The following HUWE1 variants were observed in gnomAD, a reference collection of about 807,000 sequenced individuals.
The protein encoded by HUWE1 is HECT, UBA and WWE domain containing E3 ubiquitin protein ligase 1.
A neutral mutation model predicts 299.4 loss-of-function variants in HUWE1; 18 were observed. The ratio of observed to expected loss-of-function variants is 0.06; its 90% confidence interval spans 0.04 to 0.09. The LOEUF is 0.09. Among genes scored for constraint, HUWE1 ranks in the 10% least tolerant of loss-of-function variants. HUWE1 has a pLI of 1.00. For synonymous variants in HUWE1, 1,317 were observed against 1,286.1 expected, an observed-to-expected ratio of 1.02 and a Z score of -0.51; for missense variants, 1,832 against 3,462.3, an observed-to-expected ratio of 0.53 and a Z score of 11.82.
chrX:53,558,702 T>C lies in HUWE1; in HGVS notation c.8113A>G (p.Thr2705Ala). ...KQLAEEETKI[T>A]DKGKEDKENR... ...TCCTTATCTTCTTTGCCTTTATCAG[T>C]TATCTTTGTTTCTTCCTCAGCCAGT... is the stretch of plus-strand genomic sequence containing the variant. Residue 2705 changes from threonine (T) to alanine (A), a missense_variant, in exon 59 of 84, where the codon ACT becomes GCT. Physicochemically the swap from Thr to Ala is moderately conservative, Grantham distance 58. Transcript: ENST00000262854. 1.7e-6 allele frequency: 2 copies of C among 1,210,254 alleles called. No individual in the cohort carries two copies. Among genetic ancestry groups the C allele is most frequent in the Non-Finnish European group, 2.2e-6 (2 of 894,146 alleles).
intron 33 of HUWE1, among the ~76,000 whole-genome samples, chrX:53,591,785 A>C (rs1477044744): frequency 5.4e-5 from 6 of 112,114 alleles, no homozygotes; most frequent in African/African-American, 9.7e-5. Flanking sequence ...GTATTTTCCA[A>C]ATTTGGTAAT....
In HUWE1 at chrX:53,589,597, G is replaced by A. The variant is rs1478379104; in HGVS notation, c.4411C>T (p.Arg1471Cys). 2.5e-6 allele frequency: 3 copies of A among 1,208,782 alleles called. No homozygotes were observed. Among genetic ancestry groups the A allele is most frequent in the Non-Finnish European group, 3.4e-6 (3 of 894,425 alleles). Residue 1471 changes from arginine (R) to cysteine (C), a missense_variant, in exon 36 of 84, where the codon CGT becomes TGT. This residue lies in a region of HUWE1 where 658 missense variants were observed against 1,282.6 expected (regional missense o/e 0.51). Coordinates refer to ENST00000262854, the MANE Select transcript of HUWE1 (RefSeq NM_031407.7). Reference sequence around the variant, plus strand: ...ATGTCACGATAATCTGCTCCATTACGTTTGATTGCTGTCATGATCAGGTCA... The same window carrying A: ...ATGTCACGATAATCTGCTCCATTACATTTGATTGCTGTCATGATCAGGTCA... Reference protein sequence around the residue: ...VCDLIMTAIKRNGADYRDMIL... With the variant: ...VCDLIMTAIKCNGADYRDMIL...
In HUWE1 at chrX:53,548,174, A is replaced by G; in HGVS notation, c.10135T>C (p.Ser3379Pro). 3.3e-6 allele frequency: 4 copies of G among 1,208,931 alleles called. No individual in the cohort carries two copies. Among genetic ancestry groups the G allele is most frequent in the Non-Finnish European group, 4.5e-6 (4 of 893,865 alleles). Residue 3379 changes from serine (S) to proline (P), a missense_variant, in exon 68 of 84, where the codon TCC becomes CCC. By Grantham distance (74) the Ser-to-Pro change is moderately conservative. Transcript: ENST00000262854. Reference sequence around the variant, plus strand: ...TCTGTGCAAATGCCACTGCTGGAGGACTGTGAGGAGCATGGGCTACAGGCC... The same window carrying G: ...TCTGTGCAAATGCCACTGCTGGAGGGCTGTGAGGAGCATGGGCTACAGGCC... The part of the protein sequence containing the change: ...NKACSPCSSQ[S>P]SSSGICTDFW...
chrX:53,651,389 CT>C (rs2149325294), intron 4 of HUWE1, among the ~76,000 whole-genome samples: 1 of 111,066 alleles, frequency 9.0e-6, no homozygotes, highest in East Asian at 2.8e-4. Context: ...AGAGTAGTCC[CT>C]CTGTATCCAC....
chrX:53,592,290 G>T, intron 33 of HUWE1, 108 bp downstream of exon 33: 1 of 593,772 alleles, frequency 1.7e-6, no homozygotes, highest in East Asian at 3.2e-5. Flanking sequence ...ACTGTCTCCT[G>T]GTTAATGTGA....
chrX:53,662,275 T>C (rs2069041816), intron 3 of HUWE1, among the ~76,000 whole-genome samples: 1 of 111,944 alleles, frequency 8.9e-6, no homozygotes, highest in Non-Finnish European at 1.9e-5. Context: ...ATCCCTGCTA[T>C]ATCACTTACT....
At chrX:53,683,984 A>C (rs1348042933) in intron 2 of HUWE1, 3 of 294,499 alleles carry the variant, frequency 1.0e-5, no homozygotes, top group Non-Finnish European at 1.8e-5. Flanking sequence ...CGGCTACTGC[A>C]GTCAGTAACC....
chrX:53,629,463 C>A, intron 13 of HUWE1, 53 bp downstream of exon 13: 1 of 803,646 alleles, frequency 1.2e-6, no homozygotes, highest in Non-Finnish European at 1.9e-6. Flanking sequence ...ATCCAAAATA[C>A]TTCTGGTCCC....
At chrX:53,673,044 C>T (rs1281977873) in intron 3 of HUWE1, among the ~76,000 whole-genome samples, 16 of 111,576 alleles carry the variant, frequency 1.4e-4, no homozygotes, top group African/African-American at 5.2e-4. Flanking sequence ...AATGAGCAAA[C>T]GAAAAAAAGT....
chrX:53,649,009 G>C (rs888318621), intron 4 of HUWE1, among the ~76,000 whole-genome samples: 3 of 111,910 alleles, frequency 2.7e-5, no homozygotes, highest in Non-Finnish European at 5.6e-5. Flanking sequence ...GGCTGGGAGA[G>C]AGAAGCCTTC....
At chrX:53,537,183 G>C (rs1406305663) in intron 78 of HUWE1, 3 of 260,839 alleles carry the variant, frequency 1.2e-5, no homozygotes, top group Non-Finnish European at 2.1e-5. Flanking sequence ...ACAAACTGCT[G>C]ATCTCCTCTA....
chrX:53,598,895 G>A (rs1556987421), intron 29 of HUWE1, among the ~76,000 whole-genome samples: 1 of 112,400 alleles, frequency 8.9e-6, no homozygotes, highest in Admixed American at 9.4e-5. Flanking sequence ...AAGCTCAAAT[G>A]TATACAGTAT....
chrX:53,638,045 C>T (rs146454259), intron 7 of HUWE1, among the ~76,000 whole-genome samples: 1,219 of 111,328 alleles, frequency 0.011, 22 homozygotes, highest in African/African-American at 0.038. Context: ...TTTAAAAAAA[C>T]GAACATGACC....
At chrX:53,576,865 A>G in intron 44 of HUWE1, 35 bp downstream of exon 44, 1 of 1,203,975 alleles carries the variant, frequency 8.3e-7, no homozygotes, top group Non-Finnish European at 1.1e-6. Context: ...CATATCCTCT[A>G]GTGCCCAGCC....
chrX:53,534,747 A>C (rs1556910391), intron 81 of HUWE1, 50 bp from the exon 82 acceptor site: 1 of 1,085,451 alleles, frequency 9.2e-7, no homozygotes. Context: ...ACACAACCGT[A>C]GAGGTCAGAG....
chrX:53,576,083 T>C (rs781886346), intron 44 of HUWE1, among the ~76,000 whole-genome samples: 1 of 112,289 alleles, frequency 8.9e-6, no homozygotes, highest in African/African-American at 3.2e-5. Context: ...GCCACAGCTA[T>C]ATAGCTAAAC....
At chrX:53,686,086 G>A (rs2070417458) in intron 2 of HUWE1, among the ~76,000 whole-genome samples, 184 bp downstream of exon 2, 1 of 112,627 alleles carries the variant, frequency 8.9e-6, no homozygotes, top group East Asian at 2.8e-4. Context: ...GTGTGTGTGT[G>A]TGTAGTACCA....
At position 53,602,747 on chromosome X, in the gene HUWE1, C is replaced by T. The variant is rs995154660; in HGVS notation, c.2877-89G>A. On this transcript the variant is annotated intron_variant, in intron 27 of 83. Transcript: ENST00000262854. ...TATATTGTAAATGGTCTCTAATTTGCTTGGCTGACACTATCCCTCCTATAG... is the reference window on the plus strand; with the variant it reads ...TATATTGTAAATGGTCTCTAATTTGTTTGGCTGACACTATCCCTCCTATAG... 3.7e-5 allele frequency: 19 copies of T among 514,704 alleles called. No homozygotes were observed. In the African/African-American group the frequency reaches 4.0e-4, roughly 11 times the overall value. The allele number at this position is 514,704 out of a possible 1,213,427, so 42.4% of individuals were successfully genotyped here. A position where few individuals can be genotyped will look rare whatever the true frequency, so the allele number is the denominator to read the frequency against.
At position 53,544,716 on chromosome X, in the gene HUWE1, G is replaced by A. The variant is rs782725895; in HGVS notation, c.11095C>T (p.Pro3699Ser). ...NVVIVASQKR[P>S]LGGRELQLPS... ...AGCTGGAGCTCCCGGCCACCCAAAGGTCGCTTCTGAGATGCCACAATTACC... is the reference window on the plus strand; with the variant it reads ...AGCTGGAGCTCCCGGCCACCCAAAGATCGCTTCTGAGATGCCACAATTACC... Residue 3699 changes from proline (P) to serine (S), a missense_variant, in exon 72 of 84, where the codon CCT becomes TCT. By Grantham distance (74) the Pro-to-Ser change is moderately conservative. Coordinates refer to ENST00000262854, the MANE Select transcript of HUWE1 (RefSeq NM_031407.7). 1 of 1,209,295 alleles carries A rather than the reference G, an allele frequency of 8.3e-7. No homozygotes were observed. Among genetic ancestry groups the A allele is most frequent in the Non-Finnish European group, 1.1e-6 (1 of 894,861 alleles).
Sources: allele counts gnomAD v4.1 joint callset (sites outside exome capture counted in the v4.1 genomes callset), GRCh38; gene constraint gnomAD v4.1.1; regional missense constraint gnomAD v4.1.1; transcripts MANE v1.5; gene names NCBI Gene and HGNC (gene_info 2026-07-23, HGNC 2026-07-21).